Variants in SCGB2B2 observed in about 807,000 individuals in gnomAD.
SCGB2B2 encodes secretoglobin-like protein.
In SCGB2B2, 11 loss-of-function variants were observed where a neutral mutation model predicts 7.6. The ratio of observed to expected loss-of-function variants is 1.45; its 90% CI spans 0.91 to 2.40. The LOEUF is 2.40. Among genes scored for constraint, SCGB2B2 ranks in the 30% most tolerant of loss-of-function variants. The pLI, the probability that SCGB2B2 is intolerant of heterozygous loss-of-function variation, is 0.00. For synonymous variants in SCGB2B2, 50 were observed against 48.6 expected (o/e 1.03, Z -0.12); for missense variants, 104 against 115.4 (o/e 0.90, Z 0.45).
chr19:34,631,600 C>T (rs776438540), intron 1 of SCGB2B2, among the ~76,000 whole-genome samples: 5 of 151,772 alleles, frequency 3.3e-5, no homozygotes, highest in Admixed American at 6.6e-5. Flanking sequence ...TAAAAGATTG[C>T]GGAGAAAAAT....
intron 1 of SCGB2B2, among the ~76,000 whole-genome samples, chr19:34,621,934 G>A (rs1276894086): frequency 2.6e-5 from 4 of 152,190 alleles, no homozygotes; most frequent in African/African-American, 9.7e-5. Flanking sequence ...TTCAGGCAAG[G>A]ACAGGTTTTT....
intron 1 of SCGB2B2, among the ~76,000 whole-genome samples, chr19:34,642,714 CAAAAAAA>C (rs55922005): frequency 4.3e-4 from 17 of 39,882 alleles, no homozygotes; most frequent in African/African-American, 1.4e-3. Flanking sequence ...GACTCCGTCT[CAAAAAAA>C]AAAAAAAAAA....
chr19:34,634,387 C>CCA (rs1174078178), intron 1 of SCGB2B2, among the ~76,000 whole-genome samples: 1 of 152,266 alleles, frequency 6.6e-6, no homozygotes, highest in African/African-American at 2.4e-5. Context: ...ATGGCTTCTC[C>CCA]CACAGGTACT....
At chr19:34,634,647 C>A (rs1054093605) in intron 1 of SCGB2B2, among the ~76,000 whole-genome samples, 1 of 152,168 alleles carries the variant, frequency 6.6e-6, no homozygotes, top group African/African-American at 2.4e-5. Context: ...CCAGGGTGAA[C>A]TTTCTGGCAC....
intron 1 of SCGB2B2, among the ~76,000 whole-genome samples, chr19:34,666,605 C>T (rs2067631153): frequency 6.6e-6 from 1 of 152,254 alleles, no homozygotes; most frequent in South Asian, 2.1e-4. Context: ...AGGTCCCAGC[C>T]AAGCCACGCC....
chr19:34,600,825 G>A (rs1489850797), intron 1 of SCGB2B2, among the ~76,000 whole-genome samples: 2 of 151,842 alleles, frequency 1.3e-5, no homozygotes, highest in African/African-American at 4.8e-5. Context: ...CACCACTGTG[G>A]ATTAGCTTTG....
At chr19:34,622,146 G>A (rs1298478147) in intron 1 of SCGB2B2, among the ~76,000 whole-genome samples, 4 of 152,192 alleles carry the variant, frequency 2.6e-5, no homozygotes, top group East Asian at 1.9e-4. Context: ...CAAGCTGGCC[G>A]TACTTTAGCC....
At chr19:34,666,320 C>T (rs2067620347) in intron 1 of SCGB2B2, among the ~76,000 whole-genome samples, 1 of 152,116 alleles carries the variant, frequency 6.6e-6, no homozygotes, top group Non-Finnish European at 1.5e-5. Flanking sequence ...AGTCACACAC[C>T]CCAACCTCAG....
chr19:34,619,457 G>A (rs762395398), intron 1 of SCGB2B2, among the ~76,000 whole-genome samples: 56 of 152,244 alleles, frequency 3.7e-4, no homozygotes, highest in Middle Eastern at 6.8e-3. Flanking sequence ...AAATCAGTAA[G>A]TCTTAACTAA....
chr19:34,665,189 TC>T (rs1056421494), intron 1 of SCGB2B2, among the ~76,000 whole-genome samples: 12 of 152,190 alleles, frequency 7.9e-5, no homozygotes, highest in Non-Finnish European at 7.4e-5. Flanking sequence ...CCCAGGCCCC[TC>T]ACCCACACAC....
chr19:34,646,108 A>C, intron 1 of SCGB2B2: 1 of 209,880 alleles, frequency 4.8e-6, no homozygotes, highest in Non-Finnish European at 9.6e-6. Flanking sequence ...GCACAGCCAC[A>C]AGTCCCAGGC....
rs368178470 is a variant in SCGB2B2, at chr19:34,652,981, GA to G, written c.-2032+22648del. 3.8e-4 allele frequency among the ~76,000 whole-genome samples: 57 copies of G among 151,006 alleles called. No individual in the cohort carries two copies. The East Asian group carries it at 4.3e-3, about 11-fold the overall frequency. On this transcript the variant is annotated intron_variant, in intron 1 of 3. Coordinates refer to ENST00000601241, the MANE Select transcript of SCGB2B2 (RefSeq NM_001025591.4). ...AGTGTCCATGAACACGTGAACAGAT[GA>G]AAAAAAATGTGGTATACATACACAA...
At chr19:34,627,073 C>A (rs1600054630) in intron 1 of SCGB2B2, among the ~76,000 whole-genome samples, 1 of 152,158 alleles carries the variant, frequency 6.6e-6, no homozygotes, top group East Asian at 1.9e-4. Flanking sequence ...GATTTTGTCA[C>A]CACCAGGCCT....
chr19:34,638,713 TC>T (rs2066760171), intron 1 of SCGB2B2, among the ~76,000 whole-genome samples: 2 of 152,130 alleles, frequency 1.3e-5, no homozygotes, highest in South Asian at 4.1e-4. Flanking sequence ...ACTAAATACT[TC>T]AAAGGTTTAA....
intron 1 of SCGB2B2, chr19:34,637,833 T>C (rs542977530): frequency 7.2e-5 from 11 of 152,180 alleles, no homozygotes; most frequent in South Asian, 2.1e-4. Context: ...TATTTAAAAA[T>C]TGACAGATGG....
intron 1 of SCGB2B2, among the ~76,000 whole-genome samples, chr19:34,658,097 G>A (rs1332964053): frequency 1.3e-5 from 2 of 152,184 alleles, no homozygotes; most frequent in Admixed American, 1.3e-4. Flanking sequence ...ATTTAAAGCA[G>A]TGTGTAGAGG....
chr19:34,594,166 C>T lies in SCGB2B2; in HGVS notation c.246+9G>A. Reference sequence around the variant, plus strand: ...TGTAGTGTGTGCAGGTCCCCCCGGGCACACTCACAATAACAACTGAATGAG... The same window carrying T: ...TGTAGTGTGTGCAGGTCCCCCCGGGTACACTCACAATAACAACTGAATGAG... On this transcript the variant is annotated intron_variant, in intron 3 of 3. Transcript: ENST00000601241. The T allele has an allele frequency of 6.2e-7, 1 of 1,612,182 alleles. No individual in the cohort carries two copies. Among genetic ancestry groups the T allele is most frequent in the Non-Finnish European group, 8.5e-7 (1 of 1,178,502 alleles).
At chr19:34,616,926 C>A (rs1189722195) in intron 1 of SCGB2B2, among the ~76,000 whole-genome samples, 2 of 152,158 alleles carry the variant, frequency 1.3e-5, no homozygotes, top group Non-Finnish European at 2.9e-5. Flanking sequence ...TTCCCAGCAC[C>A]ATTTATTAAA....
At chr19:34,645,678 C>T (rs1163432970) in intron 1 of SCGB2B2, 2 of 417,994 alleles carry the variant, frequency 4.8e-6, no homozygotes, top group Non-Finnish European at 9.7e-6. Flanking sequence ...ATGACACCCA[C>T]CGCCTGTGCT....
Sources: gnomAD v4.1 joint callset for allele counts (sites outside exome capture counted in the v4.1 genomes callset) on GRCh38, gnomAD v4.1.1 for gene constraint, MANE v1.5 for transcripts, NCBI Gene and HGNC (gene_info 2026-07-23, HGNC 2026-07-21) for gene names.